The following NPY1R variants were observed in gnomAD, a reference collection of about 807,000 sequenced individuals.
NPY1R encodes the protein neuropeptide Y receptor type 1.
Under a neutral mutation model 24.1 loss-of-function variants are expected in NPY1R, and 10 were observed. The observed-to-expected ratio is 0.42, with a 90% CI of 0.26 to 0.71. NPY1R has a LOEUF of 0.71. Ranked by LOEUF, NPY1R falls within the 30% of genes least tolerant of loss-of-function variation. The pLI is 0.28. For synonymous variants in NPY1R, 168 were observed against 165.9 expected (o/e 1.01, Z -0.10); for missense variants, 350 against 458.0 (o/e 0.76, Z 2.15).
At chr4:163,341,239 C>T (rs2110820162) in intron 1 of NPY1R, among the ~76,000 whole-genome samples, 1 of 152,116 alleles carries the variant, frequency 6.6e-6, no homozygotes, top group East Asian at 1.9e-4. Context: ...TTTGATAACA[C>T]ATCTTTTAAG....
chr4:163,335,621 G>A (rs1382337439), upstream of NPY1R, among the ~76,000 whole-genome samples: 6 of 152,042 alleles, frequency 3.9e-5, no homozygotes, highest in Non-Finnish European at 8.8e-5. Flanking sequence ...AAACTGAAAT[G>A]TATATGACAT....
chr4:163,335,789 A>G (rs1484319951), upstream of NPY1R, among the ~76,000 whole-genome samples: 1 of 152,106 alleles, frequency 6.6e-6, no homozygotes, highest in Admixed American at 6.6e-5. Flanking sequence ...TGTAAAGCAC[A>G]ATTTTATTTT....
At chr4:163,335,768 A>C (rs539899696), upstream of NPY1R, among the ~76,000 whole-genome samples, 1 of 152,114 alleles carries the variant, frequency 6.6e-6, no homozygotes, top group South Asian at 2.1e-4. Flanking sequence ...TGGATCTTTG[A>C]CGCCCAAGAA....
upstream of NPY1R, among the ~76,000 whole-genome samples, chr4:163,335,416 A>G (rs1030732853): frequency 1.3e-5 from 2 of 152,350 alleles, no homozygotes; most frequent in Admixed American, 6.5e-5. Context: ...TTTAAATTCC[A>G]TGATTCAGTA....
In NPY1R at chr4:163,326,142, C is replaced by T. The variant is rs1186503604; in HGVS notation, c.413G>A (p.Arg138Gln). ...IFSLVLIAVE[R>Q]HQLIINPRGW... ...TCGAGGGTTGATTATCAGCTGATGT[C>T]GTTCCACAGCAATGAGAACCAGAGA... Residue 138 changes from arginine (R) to glutamine (Q), a missense_variant, in exon 2 of 3, where the codon CGA (arginine) becomes CAA (glutamine). Transcript: ENST00000296533. The T allele has an allele frequency of 2.5e-6, 4 of 1,613,884 alleles. No homozygotes were observed. The South Asian group carries it at 3.3e-5, about 13-fold the overall frequency.
chr4:163,334,802 G>A (rs981037350), upstream of NPY1R, among the ~76,000 whole-genome samples: 1 of 150,098 alleles, frequency 6.7e-6, no homozygotes, highest in Non-Finnish European at 1.5e-5. Flanking sequence ...AGAGGTTGCA[G>A]TGAGCCGAGA....
At chr4:163,329,582 C>T (rs553041780) in intron 1 of NPY1R, among the ~76,000 whole-genome samples, 7 of 149,830 alleles carry the variant, frequency 4.7e-5, no homozygotes, top group African/African-American at 1.5e-4. Flanking sequence ...GCCTGGGTGA[C>T]AGAGCAAGAC....
At chr4:163,343,018 A>ACG (rs33912404) in intron 1 of NPY1R, among the ~76,000 whole-genome samples, 5 of 134,984 alleles carry the variant, frequency 3.7e-5, no homozygotes, top group African/African-American at 9.0e-5. Flanking sequence ...ACACACACAC[A>ACG]CGCGCGCGCG....
chr4:163,334,680 T>A (rs540009089), upstream of NPY1R, among the ~76,000 whole-genome samples: 16 of 152,052 alleles, frequency 1.1e-4, no homozygotes, highest in East Asian at 3.1e-3. Flanking sequence ...GCCAACATAG[T>A]GAAACCCCGT....
chr4:163,338,164 T>C (rs1226692540), intron 1 of NPY1R, among the ~76,000 whole-genome samples: 3 of 39,522 alleles, frequency 7.6e-5, no homozygotes, highest in Non-Finnish European at 1.5e-4. Flanking sequence ...GTTATGTAGA[T>C]GGGTGAGAGA....
At chr4:163,329,794 T>G (rs1366936725) in intron 1 of NPY1R, among the ~76,000 whole-genome samples, 1 of 151,190 alleles carries the variant, frequency 6.6e-6, no homozygotes, top group South Asian at 2.1e-4. Context: ...CTAAGGCCCA[T>G]GTGTAACTGG....
rs76677481 is a variant in NPY1R, at chr4:163,340,013, G to A, written c.-152+4292C>T. On this transcript the variant is annotated intron_variant, in intron 1 of 1. Coordinates refer to the NPY1R transcript ENST00000511901. ...TGGTCCTGAGCTTATGCTTTGAACAGTTCTGTAAACATTCTTTTTAAAGAT... is the reference window on the plus strand; with the variant it reads ...TGGTCCTGAGCTTATGCTTTGAACAATTCTGTAAACATTCTTTTTAAAGAT... Among the ~76,000 whole-genome samples, 515 of 152,192 alleles carry A rather than the reference G, an allele frequency of 3.4e-3. 1 individual carries two copies. Among genetic ancestry groups the A allele is most frequent in the African/African-American group, 0.012 (482 of 41,544 alleles).
exon 1 of NPY1R, chr4:163,344,315 CA>C (rs1179708275): frequency 5.9e-5 from 9 of 152,520 alleles, no homozygotes; most frequent in African/African-American, 2.2e-4. Flanking sequence ...CCGGGTGGAG[CA>C]GGCGCGGGCC....
At chr4:163,341,636 C>G (rs1336548719) in intron 1 of NPY1R, among the ~76,000 whole-genome samples, 1 of 152,116 alleles carries the variant, frequency 6.6e-6, no homozygotes, top group Non-Finnish European at 1.5e-5. Flanking sequence ...TCTTTCATAA[C>G]TGATAATGAA....
At chr4:163,336,413 C>T (rs374621022), upstream of NPY1R, among the ~76,000 whole-genome samples, 2 of 152,222 alleles carry the variant, frequency 1.3e-5, no homozygotes, top group East Asian at 1.9e-4. Flanking sequence ...ATTATTATTA[C>T]TATTCCCTTC....
intron 1 of NPY1R, among the ~76,000 whole-genome samples, chr4:163,331,456 C>A (rs1367527077): frequency 3.9e-5 from 6 of 151,976 alleles, no homozygotes; most frequent in African/African-American, 7.2e-5. Flanking sequence ...CTAGGTGAAT[C>A]GCCCGAAATT....
intron 1 of NPY1R, among the ~76,000 whole-genome samples, chr4:163,331,995 G>A (rs1264089135): frequency 2.0e-5 from 3 of 152,146 alleles, no homozygotes; most frequent in Non-Finnish European, 2.9e-5. Flanking sequence ...CGCGGGACCC[G>A]TGCGACGCTG....
chr4:163,324,076 T>C lies in NPY1R; in HGVS notation c.*1227A>G, dbSNP rs1329295097. 1.3e-5 allele frequency: 2 copies of C among 152,492 alleles called. No individual in the cohort carries two copies. The highest frequency in any genetic ancestry group is 2.4e-5 in the African/African-American group (1 of 41,458). The allele number at this position is 152,492 out of a possible 1,614,324, so 9.4% of individuals were successfully genotyped here. A position where few individuals can be genotyped will look rare whatever the true frequency, so the allele number is the denominator to read the frequency against. On this transcript the variant is annotated 3_prime_UTR_variant, in exon 3 of 3. Transcript: ENST00000296533. ...GAAGTATGTCTTGTTCTTTAAAATA[T>C]AGTTTCTCCAAATGATTCTGAGGCT...
chr4:163,336,900 G>A (rs574120125), upstream of NPY1R, among the ~76,000 whole-genome samples: 33 of 152,326 alleles, frequency 2.2e-4, no homozygotes, highest in African/African-American at 7.9e-4. Context: ...GGCAGAGGTT[G>A]CAGTGAGCTG....
Sources: gnomAD v4.1 joint callset for allele counts (sites outside exome capture counted in the v4.1 genomes callset) on GRCh38, gnomAD v4.1.1 for gene constraint, MANE v1.5 for transcripts, NCBI Gene and HGNC (gene_info 2026-07-23, HGNC 2026-07-21) for gene names.